ZNF254: variants seen among roughly 807,000 people sequenced by gnomAD.
ZNF254 encodes the protein zinc finger protein 254, also known as CTD-2017D11.1.
ZNF254 carries 10 observed loss-of-function variants against 12.4 expected under a neutral mutation model. The observed-to-expected ratio is 0.80, with a 90% CI of 0.50 to 1.36. The LOEUF is 1.36. Ranked by LOEUF, ZNF254 falls within the 40% of genes most tolerant of loss-of-function variation. ZNF254 has a pLI of 0.00. For missense variants in ZNF254, 996 were observed against 763.9 expected (o/e 1.30, Z -3.58); for synonymous variants, 305 against 253.4 (o/e 1.20, Z -1.93).
chr19:24,112,388 C>T (rs1329194065), intron 3 of ZNF254, among the ~76,000 whole-genome samples: 1 of 145,678 alleles, frequency 6.9e-6, no homozygotes, highest in African/African-American at 2.5e-5. Context: ...TAGCATGATG[C>T]CTCCAGCTTT....
At chr19:24,070,690 G>A (rs1343954793) in intron 2 of ZNF254, among the ~76,000 whole-genome samples, 3 of 152,184 alleles carry the variant, frequency 2.0e-5, no homozygotes, top group Non-Finnish European at 2.9e-5. Context: ...CTGCATGTGT[G>A]ATTGTGACAC....
chr19:24,106,249 CTAATCTG>C, intron 2 of ZNF254, 183 bp downstream of exon 2: 1 of 812,540 alleles, frequency 1.2e-6, no homozygotes, highest in Non-Finnish European at 1.8e-6. Flanking sequence ...CATTCCTGAG[CTAATCTG>C]TGTCCTGCAC....
chr19:24,067,995 A>T (rs947868421), intron 2 of ZNF254, among the ~76,000 whole-genome samples: 1 of 152,124 alleles, frequency 6.6e-6, no homozygotes, highest in Non-Finnish European at 1.5e-5. Context: ...GATGTAACTC[A>T]TCTTTTGGCT....
chr19:24,127,859 A>C lies in ZNF254; in HGVS notation c.1859A>C (p.His620Pro), dbSNP rs200148530. 2 of 1,613,428 alleles carry C rather than the reference A, an allele frequency of 1.2e-6. No homozygotes were observed. Among genetic ancestry groups the C allele is most frequent in the East Asian group, 2.2e-5 (1 of 44,862 alleles). The part of the protein sequence containing the change: ...AFFWSSTLTK[H>P]KRIHTGEQPY... ...TTCTGGTCCTCAACCCTAACTAAAC[A>C]TAAGAGAATTCATACTGGAGAGCAA... Residue 620 changes from histidine to proline, a missense_variant, in exon 4 of 4, where the codon CAT becomes CCT. Coordinates refer to ENST00000357002, the MANE Select transcript of ZNF254 (RefSeq NM_203282.4).
chr19:24,077,301 T>C (rs1971692866), intron 2 of ZNF254, among the ~76,000 whole-genome samples: 1 of 152,204 alleles, frequency 6.6e-6, no homozygotes, highest in South Asian at 2.1e-4. Context: ...CCCAACCACC[T>C]TGGGCACCTG....
At chr19:24,123,116 A>G (rs1974599107) in intron 3 of ZNF254, among the ~76,000 whole-genome samples, 1 of 152,172 alleles carries the variant, frequency 6.6e-6, no homozygotes, top group South Asian at 2.1e-4. Context: ...TGTCTGTTGC[A>G]TTGAGCTGGA....
At chr19:24,052,698 GC>G (rs1970693960) in intron 2 of ZNF254, among the ~76,000 whole-genome samples, 3 of 152,144 alleles carry the variant, frequency 2.0e-5, no homozygotes, top group African/African-American at 7.2e-5. Flanking sequence ...TGACACTTCT[GC>G]CCTATCCCTG....
At chr19:24,077,537 A>T (rs918744023) in intron 2 of ZNF254, among the ~76,000 whole-genome samples, 2 of 152,222 alleles carry the variant, frequency 1.3e-5, no homozygotes, top group African/African-American at 4.8e-5. Flanking sequence ...TGTGTACCTG[A>T]GAATGCAGCA....
intron 1 of ZNF254, 27 bp downstream of exon 1, chr19:24,087,364 G>A: frequency 1.2e-6 from 2 of 1,613,286 alleles, no homozygotes; most frequent in Non-Finnish European, 1.7e-6. Context: ...GACATCCCGA[G>A]AGAGGGGAGG....
chr19:24,076,503 AT>A (rs1432027601), intron 2 of ZNF254, among the ~76,000 whole-genome samples: 1 of 152,118 alleles, frequency 6.6e-6, no homozygotes, highest in Non-Finnish European at 1.5e-5. Flanking sequence ...CTCCTATGTT[AT>A]TCTGTGACTA....
chr19:24,076,162 A>G (rs1971650273), intron 2 of ZNF254, among the ~76,000 whole-genome samples: 1 of 152,222 alleles, frequency 6.6e-6, no homozygotes, highest in Non-Finnish European at 1.5e-5. Context: ...CAGGATTAAG[A>G]GATTAAAGAC....
Position 24,127,134 on chromosome 19 carries a change from C to A in ZNF254, c.1134C>A (p.Tyr378Ter), listed in dbSNP as rs772117704. 6.2e-7 allele frequency: 1 copy of A among 1,613,574 alleles called. No homozygotes were observed. Among genetic ancestry groups the A allele is most frequent in the Non-Finnish European group, 8.5e-7 (1 of 1,179,794 alleles). The change falls in exon 4 of 4, where the codon TAC becomes TAA. Residue 378 changes from tyrosine to a stop codon, truncating the protein, a stop_gained. Coordinates refer to ENST00000357002, the MANE Select transcript of ZNF254 (RefSeq NM_203282.4). LOFTEE classifies it low-confidence loss of function (END_TRUNC). Reference sequence around the variant, plus strand: ...TAATTCATACTGGAGAGAAACGCTACAAATGCTTAGAATGTGGCAAAGCTT... The same window carrying A: ...TAATTCATACTGGAGAGAAACGCTAAAAATGCTTAGAATGTGGCAAAGCTT... ...HKIIHTGEKR[Y>*]KCLECGKAFK...
chr19:24,034,488 GTTT>G (rs963358053), intron 1 of ZNF254, among the ~76,000 whole-genome samples: 96 of 107,344 alleles, frequency 8.9e-4, no homozygotes, highest in African/African-American at 3.1e-3. Flanking sequence ...AGGTAAGTGG[GTTT>G]TTTTTTTTTT....
At chr19:24,120,034 C>T (rs1042546316) in intron 3 of ZNF254, among the ~76,000 whole-genome samples, 5 of 151,938 alleles carry the variant, frequency 3.3e-5, no homozygotes, top group Non-Finnish European at 5.9e-5. Flanking sequence ...TGAGACTGGG[C>T]AATTTACAAA....
In ZNF254 at chr19:24,126,630, C is replaced by G. The variant is rs1156572544; in HGVS notation, c.630C>G (p.Tyr210Ter). Residue 210 changes from tyrosine (Y) to a stop codon, truncating the protein, a stop_gained, in exon 4 of 4, where the codon TAC (tyrosine) becomes TAG (stop). Transcript: ENST00000357002. LOFTEE classifies it low-confidence loss of function (END_TRUNC). ...GCATTTATCATAGAGAGAAGTCCTACAAATGTAAAGAATGTGGAAAAACCT... is the reference window on the plus strand; with the variant it reads ...GCATTTATCATAGAGAGAAGTCCTAGAAATGTAAAGAATGTGGAAAAACCT... ...HKSIYHREKS[Y>*]KCKECGKTFN... 1.9e-6 allele frequency: 3 copies of G among 1,610,072 alleles called. No homozygotes were observed. The highest frequency in any genetic ancestry group is 2.5e-6 in the Non-Finnish European group (3 of 1,178,928).
chr19:24,050,790 G>T (rs1970617170), intron 2 of ZNF254, among the ~76,000 whole-genome samples: 1 of 152,182 alleles, frequency 6.6e-6, no homozygotes, highest in African/African-American at 2.4e-5. Flanking sequence ...TTTTGCTCTT[G>T]TTGCCCAGGC....
chr19:24,034,455 T>C (rs1287851994), intron 1 of ZNF254, among the ~76,000 whole-genome samples: 3 of 151,134 alleles, frequency 2.0e-5, no homozygotes, highest in African/African-American at 7.3e-5. Flanking sequence ...CTAGATTTTG[T>C]GATATATGAC....
intron 1 of ZNF254, chr19:24,091,847 C>A (rs1972402508): frequency 4.1e-6 from 4 of 980,206 alleles, no homozygotes; most frequent in Non-Finnish European, 4.8e-6. Flanking sequence ...TGTGATGAAA[C>A]TTGGTACCTC....
chr19:24,038,648 C>A (rs960748772), intron 1 of ZNF254, among the ~76,000 whole-genome samples: 3 of 152,184 alleles, frequency 2.0e-5, no homozygotes, highest in African/African-American at 7.2e-5. Context: ...ATGGACCAGT[C>A]ACAACATACA....
Sources: gnomAD v4.1 joint callset for allele counts (sites outside exome capture counted in the v4.1 genomes callset) on GRCh38, gnomAD v4.1.1 for gene constraint, MANE v1.5 for transcripts, NCBI Gene and HGNC (gene_info 2026-07-23, HGNC 2026-07-21) for gene names.